SNX9: variants seen among roughly 807,000 people sequenced by gnomAD.
SNX9 encodes the protein sorting nexin-9.
SNX9 carries 44 observed loss-of-function variants against 89.4 expected under a neutral mutation model. That is an observed-to-expected ratio of 0.49 (90% CI 0.39 to 0.63). The LOEUF (loss-of-function observed/expected upper bound fraction) is 0.63. SNX9 is among the 30% of genes least tolerant of loss of function. The probability of loss-of-function intolerance (pLI) is 0.00; values close to 1 mark genes in which losing one functional copy is unlikely to be tolerated. For synonymous variants in SNX9, 236 were observed against 247.8 expected (o/e 0.95, Z 0.45); for missense variants, 578 against 736.1 (o/e 0.79, Z 2.49).
At chr6:157,866,037 G>C (rs1315229802) in intron 1 of SNX9, among the ~76,000 whole-genome samples, 1 of 151,824 alleles carries the variant, frequency 6.6e-6, no homozygotes, top group Admixed American at 6.6e-5. Context: ...GTCTGTGAAA[G>C]ACAATCACTT....
At chr6:157,824,361 A>G (rs1266744166) in intron 1 of SNX9, among the ~76,000 whole-genome samples, 1 of 152,312 alleles carries the variant, frequency 6.6e-6, no homozygotes, top group East Asian at 1.9e-4. Flanking sequence ...AGGAGGCTCT[A>G]TACCTGAGCC....
chr6:157,846,398 C>A (rs1360650316), intron 1 of SNX9, among the ~76,000 whole-genome samples: 1 of 152,222 alleles, frequency 6.6e-6, no homozygotes, highest in East Asian at 1.9e-4. Context: ...TGAAGAGGAA[C>A]TGCTGATAAA....
At chr6:157,906,021 C>A in intron 6 of SNX9, 107 bp from the exon 7 acceptor site, 2 of 855,616 alleles carry the variant, frequency 2.3e-6, no homozygotes, top group Non-Finnish European at 3.6e-6. Flanking sequence ...TTCTAGTGCA[C>A]CCGAAAGACA....
intron 1 of SNX9, among the ~76,000 whole-genome samples, chr6:157,858,615 A>G (rs1048539759): frequency 6.6e-5 from 10 of 152,136 alleles, no homozygotes; most frequent in Admixed American, 2.0e-4. Flanking sequence ...CATTGTTACA[A>G]TCTACCTTGA....
Position 157,942,776 on chromosome 6 carries a change from T to G in SNX9, c.1741-15T>G. The stretch of plus-strand genomic sequence containing the variant: ...AGTGATATCTCAACGTTGTTTTGTT[T>G]TGCTTTCTTGTCAGATTGCAGAAAA... On this transcript the variant is annotated splice_polypyrimidine_tract_variant and intron_variant, in intron 17 of 17. Transcript: ENST00000392185. 1.2e-6 allele frequency: 2 copies of G among 1,613,992 alleles called. No individual in the cohort carries two copies. Among genetic ancestry groups the G allele is most frequent in the Non-Finnish European group, 1.7e-6 (2 of 1,179,932 alleles).
At position 157,896,928 on chromosome 6, in the gene SNX9, C is replaced by G. The variant is rs1397611331; in HGVS notation, c.402C>G (p.Ala134=). The G allele has an allele frequency of 1.2e-6, 2 of 1,612,860 alleles. No homozygotes were observed. Among genetic ancestry groups the G allele is most frequent in the Non-Finnish European group, 8.5e-7 (1 of 1,179,646 alleles). Reference sequence around the variant, plus strand: ...GGGCCCAGCCAGAGGGGGCTGGAGCCCAAAGAAACACAAACACTCCCAACA... The same window carrying G: ...GGGCCCAGCCAGAGGGGGCTGGAGCGCAAAGAAACACAAACACTCCCAACA... ...GWGAQPEGAG[A]QRNTNTPNNW... The change falls in exon 5 of 18, where the codon GCC becomes GCG. Residue 134 remains alanine (A), a synonymous_variant. Coordinates refer to ENST00000392185, the MANE Select transcript of SNX9 (RefSeq NM_016224.5).
At chr6:157,854,061 A>T (rs1781964044) in intron 1 of SNX9, among the ~76,000 whole-genome samples, 1 of 152,220 alleles carries the variant, frequency 6.6e-6, no homozygotes, top group South Asian at 2.1e-4. Context: ...TTTGGGGAAG[A>T]AGTGAGACCT....
chr6:157,826,222 C>T (rs920416861), intron 1 of SNX9, among the ~76,000 whole-genome samples: 8 of 152,016 alleles, frequency 5.3e-5, no homozygotes, highest in East Asian at 1.9e-4. Context: ...TAATCAGGGT[C>T]GGGCGCCGTC....
At chr6:157,914,903 T>C (rs1011337719) in intron 9 of SNX9, among the ~76,000 whole-genome samples, 6 of 152,202 alleles carry the variant, frequency 3.9e-5, no homozygotes, top group African/African-American at 1.4e-4. Context: ...TCACAACATT[T>C]TCTTCTAAAG....
chr6:157,902,382 T>G (rs1204179565), intron 6 of SNX9, among the ~76,000 whole-genome samples: 1 of 152,244 alleles, frequency 6.6e-6, no homozygotes. Context: ...AACAACTCTC[T>G]TTTAAATGTT....
chr6:157,875,302 T>G, intron 4 of SNX9, 126 bp downstream of exon 4: 2 of 1,293,134 alleles, frequency 1.5e-6, no homozygotes, highest in Admixed American at 3.1e-5. Flanking sequence ...GCTTTTAGGT[T>G]GTTCTGTGGC....
intron 6 of SNX9, among the ~76,000 whole-genome samples, chr6:157,903,187 A>G (rs1174904411): frequency 6.6e-6 from 1 of 150,802 alleles, no homozygotes; most frequent in Non-Finnish European, 1.5e-5. Flanking sequence ...GAAATTACTA[A>G]TACTTTTTCC....
chr6:157,826,072 G>C (rs1781337900), intron 1 of SNX9, among the ~76,000 whole-genome samples: 1 of 152,038 alleles, frequency 6.6e-6, no homozygotes, highest in Non-Finnish European at 1.5e-5. Flanking sequence ...TTTCTTGTTT[G>C]TTCTTACGTA....
At chr6:157,836,010 C>T (rs1781575125) in intron 1 of SNX9, among the ~76,000 whole-genome samples, 1 of 152,174 alleles carries the variant, frequency 6.6e-6, no homozygotes. Context: ...CTCACAGCAG[C>T]AGCCTCGACC....
intron 1 of SNX9, among the ~76,000 whole-genome samples, chr6:157,859,739 T>C (rs73022676): frequency 0.09 from 13,755 of 152,304 alleles, 805 homozygotes; most frequent in Middle Eastern, 0.2. Context: ...TTGTATTCTT[T>C]AATGAACTGT....
chr6:157,849,950 CGTT>C lies in SNX9; in HGVS notation c.13-17594_13-17592del, dbSNP rs1204489304. Among the ~76,000 whole-genome samples, 9 of 152,230 alleles carry C rather than the reference CGTT, an allele frequency of 5.9e-5. No homozygotes were observed. The South Asian group carries it at 6.2e-4, about 11-fold the overall frequency. Reference sequence around the variant, plus strand: ...TCATCAGTATAAAGATGGCAGGTGACGTTGTCAGAGTGGATGTTACCCAGGGAG... The same window carrying C: ...TCATCAGTATAAAGATGGCAGGTGACGTCAGAGTGGATGTTACCCAGGGAG... On this transcript the variant is annotated intron_variant, in intron 1 of 17. Coordinates refer to ENST00000392185, the MANE Select transcript of SNX9 (RefSeq NM_016224.5).
At chr6:157,841,417 G>A (rs1349486165) in intron 1 of SNX9, among the ~76,000 whole-genome samples, 1 of 152,182 alleles carries the variant, frequency 6.6e-6, no homozygotes, top group African/African-American at 2.4e-5. Context: ...GATGGTCAGG[G>A]AGCTTGAAGG....
intron 1 of SNX9, among the ~76,000 whole-genome samples, chr6:157,847,395 G>T (rs561231467): frequency 2.6e-5 from 4 of 152,116 alleles, no homozygotes; most frequent in Non-Finnish European, 5.9e-5. Context: ...GAGCCACTGC[G>T]CCCAGCCTTG....
rs748021775 is a variant in SNX9, at chr6:157,902,005, A to G, written c.580A>G (p.Ser194Gly). Reference sequence around the variant, plus strand: ...TGCAGGCGGCGCTCAGCGAGGAAACAGTCGTGCTAGTTCCTCATCCATGAA... The same window carrying G: ...TGCAGGCGGCGCTCAGCGAGGAAACGGTCGTGCTAGTTCCTCATCCATGAA... Reference protein sequence around the residue: ...ADAGGAQRGNSRASSSSMKIP... With the variant: ...ADAGGAQRGNGRASSSSMKIP... The change falls in exon 6 of 18, where the codon AGT becomes GGT. Residue 194 changes from serine to glycine, a missense_variant. By Grantham distance (56) the Ser-to-Gly change is moderately conservative. Coordinates refer to ENST00000392185, the MANE Select transcript of SNX9 (RefSeq NM_016224.5). 1.2e-6 allele frequency: 2 copies of G among 1,613,848 alleles called. No homozygotes were observed. Among genetic ancestry groups the G allele is most frequent in the Non-Finnish European group, 8.5e-7 (1 of 1,179,932 alleles).
Sources: allele counts gnomAD v4.1 joint callset (sites outside exome capture counted in the v4.1 genomes callset), GRCh38; gene constraint gnomAD v4.1.1; transcripts MANE v1.5; gene names NCBI Gene and HGNC (gene_info 2026-07-23, HGNC 2026-07-21).